Variants in DCC observed in about 807,000 individuals in gnomAD.
The protein encoded by DCC is DCC netrin 1 receptor, also known as netrin receptor DCC.
A neutral mutation model predicts 172.5 loss-of-function variants in DCC; 58 were observed. The observed-to-expected ratio is 0.34, with a 90% CI of 0.27 to 0.42. The LOEUF (loss-of-function observed/expected upper bound fraction) is 0.42, where lower values mean the gene tolerates loss of function less well. Ranked by LOEUF, DCC falls within the 10% of genes least tolerant of loss-of-function variation. The pLI, the probability that DCC is intolerant of heterozygous loss-of-function variation, is 1.00. For synonymous variants in DCC, 709 were observed against 644.5 expected (o/e 1.10, Z -1.52); for missense variants, 1,740 against 1,791.0 (o/e 0.97, Z 0.51).
chr18:52,710,945 A>T (rs899852183), intron 1 of DCC, among the ~76,000 whole-genome samples: 18 of 152,204 alleles, frequency 1.2e-4, no homozygotes, highest in Admixed American at 3.3e-4. Flanking sequence ...GCTGACTGGG[A>T]ATTAAGGCTT....
intron 1 of DCC, among the ~76,000 whole-genome samples, chr18:52,669,631 A>G (rs1305853968): frequency 6.6e-6 from 1 of 152,206 alleles, no homozygotes; most frequent in Non-Finnish European, 1.5e-5. Flanking sequence ...ATTGGCAAAT[A>G]CACGGTGCAT....
intron 14 of DCC, among the ~76,000 whole-genome samples, chr18:53,323,547 C>T (rs1342787382): frequency 6.6e-6 from 1 of 152,182 alleles, no homozygotes; most frequent in East Asian, 1.9e-4. Context: ...GAAAGACAGA[C>T]ATTTTAGGTG....
At chr18:52,515,904 GA>G (rs775250696) in intron 1 of DCC, among the ~76,000 whole-genome samples, 6 of 46,762 alleles carry the variant, frequency 1.3e-4, no homozygotes, top group African/African-American at 7.5e-5. Flanking sequence ...CTAAACAATA[GA>G]AAAAAAATCC....
At chr18:52,779,601 C>A (rs1285509372) in intron 2 of DCC, among the ~76,000 whole-genome samples, 1 of 152,112 alleles carries the variant, frequency 6.6e-6, no homozygotes, top group East Asian at 1.9e-4. Context: ...GTGAATGGTG[C>A]CATAATAAAC....
intron 5 of DCC, among the ~76,000 whole-genome samples, chr18:52,973,450 CT>C (rs2041063345): frequency 6.6e-6 from 1 of 152,164 alleles, no homozygotes; most frequent in Non-Finnish European, 1.5e-5. Flanking sequence ...TGCTTACCCA[CT>C]GGCCAAGTAG....
chr18:53,387,679 A>T (rs1414619583), intron 16 of DCC, among the ~76,000 whole-genome samples: 1 of 152,214 alleles, frequency 6.6e-6, no homozygotes, highest in African/African-American at 2.4e-5. Context: ...TTTGTGAGCA[A>T]ACAGGCCACT....
chr18:53,097,874 A>G (rs2043109904), intron 7 of DCC, among the ~76,000 whole-genome samples: 2 of 152,076 alleles, frequency 1.3e-5, no homozygotes, highest in South Asian at 4.1e-4. Context: ...GTCTTATTGG[A>G]TTAGAGTCTC....
chr18:52,456,551 A>C (rs1988463370), intron 1 of DCC, among the ~76,000 whole-genome samples: 2 of 152,194 alleles, frequency 1.3e-5, no homozygotes, highest in African/African-American at 4.8e-5. Context: ...AACTATATCT[A>C]ACGATATTAA....
At chr18:52,609,032 T>C (rs2034195432) in intron 1 of DCC, among the ~76,000 whole-genome samples, 1 of 152,158 alleles carries the variant, frequency 6.6e-6, no homozygotes, top group Non-Finnish European at 1.5e-5. Flanking sequence ...CAATGCAACA[T>C]GTTTCAGTAA....
intron 27 of DCC, among the ~76,000 whole-genome samples, chr18:53,520,324 C>T (rs916438639): frequency 6.6e-5 from 10 of 152,124 alleles, no homozygotes; most frequent in African/African-American, 2.2e-4. Flanking sequence ...CACTAATCCA[C>T]ATGCCTGACG....
At chr18:52,840,960 T>C (rs979921309) in intron 2 of DCC, among the ~76,000 whole-genome samples, 60 of 47,174 alleles carry the variant, frequency 1.3e-3, no homozygotes, top group African/African-American at 2.2e-3. Context: ...TTAGATGCTA[T>C]GATGAAAAAA....
intron 21 of DCC, among the ~76,000 whole-genome samples, chr18:53,428,106 AAT>A (rs1911151282): frequency 3.9e-5 from 1 of 25,360 alleles, no homozygotes; most frequent in Admixed American, 6.9e-4. Flanking sequence ...TATATAATAT[AAT>A]ATAATAATAT....
At chr18:52,889,604 AAGTCACTTTACAAAATAT>A (rs2039619581) in intron 2 of DCC, among the ~76,000 whole-genome samples, 1 of 152,140 alleles carries the variant, frequency 6.6e-6, no homozygotes, top group Non-Finnish European at 1.5e-5. Flanking sequence ...TCAGAAACAG[AAGTCACTTTACAAAATAT>A]AGAGTGTACT....
intron 5 of DCC, among the ~76,000 whole-genome samples, chr18:52,942,359 AT>A (rs2145526756): frequency 6.6e-6 from 1 of 152,224 alleles, no homozygotes; most frequent in South Asian, 2.1e-4. Flanking sequence ...ATCCCATTTT[AT>A]TTCCAATGCC....
Position 53,450,584 on chromosome 18 carries a change from C to T in DCC, c.3314C>T (p.Thr1105Ile), listed in dbSNP as rs147268785. 1.6e-4 allele frequency: 265 copies of T among 1,612,892 alleles called. No homozygotes were observed. The highest frequency in any genetic ancestry group is 5.0e-4 in the Middle Eastern group (3 of 6,060). The change falls in exon 23 of 29, where the codon ACC becomes ATC. Residue 1105 changes from threonine to isoleucine, a missense_variant. Physicochemically the swap from Thr to Ile is moderately conservative, Grantham distance 89 (BLOSUM62 -1). This residue lies in a region of DCC where 1,732 missense variants were observed against 1,767.4 expected (regional missense o/e 0.98). Coordinates refer to ENST00000442544, the MANE Select transcript of DCC (RefSeq NM_005215.4). ...NSNLLVIIVV[T>I]VGVITVLVVV... is the part of the protein sequence containing the mutation. Reference sequence around the variant, plus strand: ...AACCTGCTTGTGATCATTGTGGTCACCGTTGGTGTCATCACAGTGCTGGTA... The same window carrying T: ...AACCTGCTTGTGATCATTGTGGTCATCGTTGGTGTCATCACAGTGCTGGTA...
rs544950656 is a variant in DCC, at chr18:52,750,838, G to A, written c.92-1216G>A. Among the ~76,000 whole-genome samples the A allele has an allele frequency of 3.9e-5, 6 of 152,122 alleles. No homozygotes were observed. In the Middle Eastern group the frequency reaches 0.014, roughly 345 times the overall value. On this transcript the variant is annotated intron_variant, in intron 1 of 28. Transcript: ENST00000442544. ...TTGGAATGATTTTACAAAGTACAAC[G>A]AAAAGTGTTCCCATTACAGAAAAAT...
At chr18:52,645,686 A>T (rs1335639081) in intron 1 of DCC, among the ~76,000 whole-genome samples, 1 of 152,220 alleles carries the variant, frequency 6.6e-6, no homozygotes, top group Non-Finnish European at 1.5e-5. Flanking sequence ...ATAAAAAAAA[A>T]TTATTGACTT....
Position 53,145,355 on chromosome 18 carries a change from C to T in DCC, c.1262-12001C>T, listed in dbSNP as rs1379235705. On this transcript the variant is annotated intron_variant, in intron 7 of 28. Transcript: ENST00000442544. ...GTCTAGATCTCCTGGCCTCGTGATC[C>T]GCCCGCCTCGGCCTCCCGAAGTGCT... Among the ~76,000 whole-genome samples, 4 of 152,032 alleles carry T rather than the reference C, an allele frequency of 2.6e-5. 1 individual carries two copies. Among genetic ancestry groups the T allele is most frequent in the Admixed American group, 1.3e-4 (2 of 15,268 alleles).
chr18:52,482,410 T>C (rs2029999785), intron 1 of DCC, among the ~76,000 whole-genome samples: 1 of 152,184 alleles, frequency 6.6e-6, no homozygotes. Flanking sequence ...CAGGCTACTA[T>C]AACAAATTAC....
Sources: allele counts gnomAD v4.1 joint callset (sites outside exome capture counted in the v4.1 genomes callset), GRCh38; gene constraint gnomAD v4.1.1; regional missense constraint gnomAD v4.1.1; transcripts MANE v1.5; gene names NCBI Gene and HGNC (gene_info 2026-07-23, HGNC 2026-07-21).